COLGALT2: variants seen among roughly 807,000 people sequenced by gnomAD.
COLGALT2 encodes the protein procollagen galactosyltransferase 2.
In COLGALT2, 49 loss-of-function variants were observed where a neutral mutation model predicts 73.4. That is an observed-to-expected ratio of 0.67 (90% CI 0.53 to 0.85). The LOEUF (loss-of-function observed/expected upper bound fraction) is 0.85. Among genes scored for constraint, COLGALT2 ranks in the 40% least tolerant of loss-of-function variants. The pLI, the probability that COLGALT2 is intolerant of heterozygous loss-of-function variation, is 0.00. For synonymous variants in COLGALT2, 295 were observed against 307.6 expected, an observed-to-expected ratio of 0.96 and a Z score of 0.43; for missense variants, 722 against 790.2, an observed-to-expected ratio of 0.91 and a Z score of 1.03.
chr1:183,953,603 A>G (rs891276304), intron 7 of COLGALT2, among the ~76,000 whole-genome samples: 5 of 152,162 alleles, frequency 3.3e-5, no homozygotes, highest in African/African-American at 1.2e-4. Context: ...AAGCTGGTCC[A>G]CTGTGGGTGT....
At chr1:184,023,007 A>G (rs1324535221) in intron 1 of COLGALT2, among the ~76,000 whole-genome samples, 2 of 152,194 alleles carry the variant, frequency 1.3e-5, no homozygotes, top group Non-Finnish European at 2.9e-5. Context: ...TCAGCCAAAG[A>G]GCAGTATTTT....
chr1:183,974,060 G>A (rs560520422), intron 3 of COLGALT2, among the ~76,000 whole-genome samples: 1 of 152,312 alleles, frequency 6.6e-6, no homozygotes, highest in African/African-American at 2.4e-5. Flanking sequence ...GATATTAATG[G>A]CTCCCAAGCC....
At chr1:183,929,753 T>C (rs899180564), downstream of COLGALT2, 2 of 154,082 alleles carry the variant, frequency 1.3e-5, no homozygotes, top group Admixed American at 1.3e-4. Context: ...CCATTGCATT[T>C]TGCATTGCTT....
At chr1:183,980,034 A>G (rs1671305181) in intron 1 of COLGALT2, among the ~76,000 whole-genome samples, 2 of 152,192 alleles carry the variant, frequency 1.3e-5, no homozygotes, top group South Asian at 4.1e-4. Context: ...ACTAGTGGAA[A>G]AATAAATACA....
At chr1:183,964,365 G>T in intron 5 of COLGALT2, 1 of 334,578 alleles carries the variant, frequency 3.0e-6, no homozygotes, top group Non-Finnish European at 5.4e-6. Flanking sequence ...ATGGAACACT[G>T]TAATCCACCT....
chr1:183,990,408 C>T (rs946035676), intron 1 of COLGALT2, among the ~76,000 whole-genome samples: 9 of 152,214 alleles, frequency 5.9e-5, no homozygotes, highest in African/African-American at 9.6e-5. Flanking sequence ...TGCCGGTGAT[C>T]GTGGCACTTG....
At chr1:183,999,651 A>G (rs902220098) in intron 1 of COLGALT2, among the ~76,000 whole-genome samples, 1 of 152,078 alleles carries the variant, frequency 6.6e-6, no homozygotes, top group Non-Finnish European at 1.5e-5. Flanking sequence ...AAAAACGTGC[A>G]GGATTTCTTT....
intron 7 of COLGALT2, among the ~76,000 whole-genome samples, chr1:183,952,396 G>A (rs1670425883): frequency 1.3e-5 from 2 of 152,150 alleles, no homozygotes; most frequent in African/African-American, 4.8e-5. Flanking sequence ...ATAGGGAGGT[G>A]CACAAACTCA....
At chr1:183,986,083 T>G (rs1671482389) in intron 1 of COLGALT2, among the ~76,000 whole-genome samples, 1 of 152,202 alleles carries the variant, frequency 6.6e-6, no homozygotes, top group Non-Finnish European at 1.5e-5. Flanking sequence ...GCAGCAGACG[T>G]GCCAAAGGCA....
intron 5 of COLGALT2, among the ~76,000 whole-genome samples, chr1:183,966,910 G>C (rs1038354189): frequency 3.3e-5 from 5 of 152,164 alleles, no homozygotes; most frequent in Admixed American, 6.5e-5. Context: ...TAGAGTCTGG[G>C]GTGAAAGATT....
chr1:184,001,465 C>T (rs1340898637), intron 1 of COLGALT2, among the ~76,000 whole-genome samples: 1 of 152,116 alleles, frequency 6.6e-6, no homozygotes, highest in Admixed American at 6.5e-5. Context: ...TTCCAACAAG[C>T]ATATATTAAA....
chr1:183,965,547 G>A (rs898106340), intron 5 of COLGALT2, among the ~76,000 whole-genome samples: 1 of 152,184 alleles, frequency 6.6e-6, no homozygotes, highest in East Asian at 1.9e-4. Context: ...TAAACAACAT[G>A]AACAGGAGAG....
At chr1:183,932,191 G>A (rs928896805), downstream of COLGALT2, among the ~76,000 whole-genome samples, 2 of 152,168 alleles carry the variant, frequency 1.3e-5, no homozygotes, top group Non-Finnish European at 2.9e-5. Context: ...TTATCCCCCA[G>A]CAGCTTGGAA....
chr1:184,023,838 GA>G (rs1366193281), intron 1 of COLGALT2, among the ~76,000 whole-genome samples: 3 of 152,054 alleles, frequency 2.0e-5, no homozygotes, highest in Non-Finnish European at 2.9e-5. Context: ...ACATAGTTCT[GA>G]CATAATTCTC....
intron 11 of COLGALT2, among the ~76,000 whole-genome samples, chr1:183,939,389 G>A (rs1670048952): frequency 6.6e-6 from 1 of 152,188 alleles, no homozygotes; most frequent in South Asian, 2.1e-4. Flanking sequence ...TAATAAATGA[G>A]ACACCTCACA....
chr1:183,942,003 C>T (rs1308353167), intron 10 of COLGALT2, among the ~76,000 whole-genome samples: 1 of 150,332 alleles, frequency 6.7e-6, no homozygotes, highest in Non-Finnish European at 1.5e-5. Flanking sequence ...GGCTGGAGTG[C>T]AGTGGTGCAA....
At chr1:184,007,367 T>C (rs1672114106) in intron 1 of COLGALT2, among the ~76,000 whole-genome samples, 1 of 152,220 alleles carries the variant, frequency 6.6e-6, no homozygotes, top group Admixed American at 6.5e-5. Context: ...AAAAGAGATA[T>C]TTTGATAAGC....
chr1:184,010,076 G>T (rs960526327), intron 1 of COLGALT2, among the ~76,000 whole-genome samples: 2 of 152,198 alleles, frequency 1.3e-5, no homozygotes, highest in African/African-American at 2.4e-5. Context: ...ACTGGATACA[G>T]AGAGGTTTCC....
chr1:183,969,389 T>A lies in COLGALT2; in HGVS notation c.712A>T (p.Thr238Ser). 1.9e-6 allele frequency: 3 copies of A among 1,613,780 alleles called. No homozygotes were observed. Among genetic ancestry groups the A allele is most frequent in the Non-Finnish European group, 2.5e-6 (3 of 1,179,840 alleles). The change falls in exon 5 of 12, where the codon ACC becomes TCC. Residue 238 changes from threonine to serine, a missense_variant. Thr to Ser is a moderately conservative substitution (Grantham distance 58, BLOSUM62 1). Transcript: ENST00000361927. ...GCFPVPMVHS[T>S]FLIDLRKEAS... The stretch of plus-strand genomic sequence containing the variant: ...TCCTTCCTGAGGTCAATTAGGAAGG[T>A]GGAGTGGACCATGGGGACGGGGAAG...
Sources: allele counts gnomAD v4.1 joint callset (sites outside exome capture counted in the v4.1 genomes callset), GRCh38; gene constraint gnomAD v4.1.1; transcripts MANE v1.5; gene names NCBI Gene and HGNC (gene_info 2026-07-23, HGNC 2026-07-21).